CIT: variants seen among roughly 807,000 people sequenced by gnomAD.
CIT encodes the protein citron Rho-interacting kinase.
A neutral mutation model predicts 272.7 loss-of-function variants in CIT; 79 were observed. That is an observed-to-expected ratio of 0.29 (90% CI 0.24 to 0.35). CIT has a LOEUF of 0.35. Ranked by LOEUF, CIT falls within the 10% of genes least tolerant of loss-of-function variation. The pLI is 1.00. For missense variants in CIT, 1,909 were observed against 2,618.3 expected (o/e 0.73, Z 5.91); for synonymous variants, 948 against 995.6 (o/e 0.95, Z 0.90).
chr12:119,705,213 C>G (rs931169333), intron 40 of CIT, among the ~76,000 whole-genome samples: 12 of 152,104 alleles, frequency 7.9e-5, no homozygotes, highest in African/African-American at 2.7e-4. Flanking sequence ...ACACCCGGCC[C>G]ACATTTAGAG....
At chr12:119,777,793 A>G (rs1181225855) in intron 13 of CIT, among the ~76,000 whole-genome samples, 1 of 152,168 alleles carries the variant, frequency 6.6e-6, no homozygotes, top group Non-Finnish European at 1.5e-5. Context: ...GGCCTAACAC[A>G]GGAGAGCCAA....
chr12:119,702,320 T>C (rs983135858), intron 41 of CIT, among the ~76,000 whole-genome samples: 2 of 151,750 alleles, frequency 1.3e-5, no homozygotes, highest in African/African-American at 4.8e-5. Flanking sequence ...TTGTTTTCTC[T>C]TCCTATTGTT....
intron 32 of CIT, 113 bp from the exon 33 acceptor site, chr12:119,714,447 A>G: frequency 2.8e-6 from 3 of 1,089,756 alleles, no homozygotes; most frequent in Non-Finnish European, 3.9e-6. Context: ...ATCTCTGATA[A>G]GGGACTCATA....
chr12:119,700,434 G>C (rs1478614369), intron 44 of CIT, among the ~76,000 whole-genome samples: 1 of 152,182 alleles, frequency 6.6e-6, no homozygotes. Context: ...CCAGGCTGGA[G>C]TGCAGTGGTG....
rs1378601660 is a variant in CIT, at chr12:119,784,555, T to C, written c.1401+405A>G. On this transcript the variant is annotated intron_variant, in intron 11 of 47. Coordinates refer to ENST00000392521, the MANE Select transcript of CIT (RefSeq NM_001206999.2). The surrounding 1 kb of genome is among the most constrained non-coding windows in gnomAD (Gnocchi z 4.7). Reference sequence around the variant, plus strand: ...CAGGAACAGTGAATGTTAAGAGACGTTGAGCGTAATCAACACAGTGGCCGC... The same window carrying C: ...CAGGAACAGTGAATGTTAAGAGACGCTGAGCGTAATCAACACAGTGGCCGC... 2 of 1,175,310 alleles carry C rather than the reference T, an allele frequency of 1.7e-6. No homozygotes were observed. The highest frequency in any genetic ancestry group is 2.1e-6 in the Non-Finnish European group (2 of 940,752). The allele number at this position is 1,175,310 out of a possible 1,614,324, so 72.8% of individuals were successfully genotyped here.
intron 23 of CIT, among the ~76,000 whole-genome samples, chr12:119,745,921 T>C (rs1276565123): frequency 6.6e-6 from 1 of 152,256 alleles, no homozygotes; most frequent in East Asian, 1.9e-4. Context: ...GCCTATATTC[T>C]ATGGACTAAT....
rs377250189 is a variant in CIT, at chr12:119,857,438, T to G, written c.414+85A>C. ...TCACAGAGGAAAACGTGCTTGATCC[T>G]AGACGCCAGTGCAGCAGATTATCGT... On this transcript the variant is annotated intron_variant, in intron 4 of 47. Coordinates refer to ENST00000392521, the MANE Select transcript of CIT (RefSeq NM_001206999.2). 42 of 1,390,850 alleles carry G rather than the reference T, an allele frequency of 3.0e-5. No homozygotes were observed. The African/African-American group carries it at 4.9e-4, about 16-fold the overall frequency. The allele number at this position is 1,390,850 out of a possible 1,614,324, so 86.2% of individuals were successfully genotyped here. A position where few individuals can be genotyped will look rare whatever the true frequency, so the allele number is the denominator to read the frequency against.
intron 12 of CIT, chr12:119,783,389 A>T (rs992832991): frequency 3.3e-5 from 5 of 152,446 alleles, no homozygotes; most frequent in African/African-American, 1.2e-4. Flanking sequence ...GGAGAAGAAG[A>T]CAGTCTACTC....
At chr12:119,854,345 A>G (rs1970432828) in intron 4 of CIT, among the ~76,000 whole-genome samples, 1 of 150,608 alleles carries the variant, frequency 6.6e-6, no homozygotes, top group Non-Finnish European at 1.5e-5. Context: ...TTTTTTTTAA[A>G]GTTAGCTGGG....
chr12:119,821,812 A>T (rs887942402), intron 9 of CIT, among the ~76,000 whole-genome samples: 3 of 152,224 alleles, frequency 2.0e-5, no homozygotes, highest in Admixed American at 1.3e-4. Context: ...TTATTTAGAA[A>T]AATAAAGCAA....
chr12:119,802,000 C>G (rs1966243614), intron 10 of CIT, among the ~76,000 whole-genome samples: 1 of 152,170 alleles, frequency 6.6e-6, no homozygotes, highest in Non-Finnish European at 1.5e-5. Context: ...GCCCAATTCC[C>G]CACAACACTC....
intron 7 of CIT, 116 bp downstream of exon 7, chr12:119,832,655 C>T (rs1231621885): frequency 3.6e-6 from 3 of 822,730 alleles, no homozygotes; most frequent in African/African-American, 1.7e-5. Flanking sequence ...CCCCCATACA[C>T]TGCCAAAGGC....
chr12:119,733,273 T>G (rs1419391197), intron 26 of CIT, among the ~76,000 whole-genome samples: 3 of 151,094 alleles, frequency 2.0e-5, no homozygotes. Context: ...CTCACGCTTG[T>G]AATCCCAGCA....
At chr12:119,751,866 C>T (rs917791745) in intron 23 of CIT, among the ~76,000 whole-genome samples, 184 bp downstream of exon 23, 2 of 152,182 alleles carry the variant, frequency 1.3e-5, no homozygotes, top group Non-Finnish European at 2.9e-5. Flanking sequence ...ACCAACCAAG[C>T]TCATCTACTA....
At chr12:119,796,446 G>A (rs957126595) in intron 10 of CIT, among the ~76,000 whole-genome samples, 2 of 152,180 alleles carry the variant, frequency 1.3e-5, no homozygotes, top group African/African-American at 2.4e-5. Flanking sequence ...GGGATGGCGG[G>A]GGAGGCAGAA....
chr12:119,865,271 T>G (rs1294477213), intron 3 of CIT, among the ~76,000 whole-genome samples: 2 of 152,182 alleles, frequency 1.3e-5, no homozygotes, highest in African/African-American at 4.8e-5. Flanking sequence ...GAGGACAGTC[T>G]CAAGACTAAT....
At chr12:119,844,431 T>C (rs1458569805) in intron 5 of CIT, among the ~76,000 whole-genome samples, 2 of 152,040 alleles carry the variant, frequency 1.3e-5, no homozygotes, top group South Asian at 2.1e-4. Flanking sequence ...CTAAAGGGAA[T>C]GAATAAAGAC....
At chr12:119,720,130 C>G (rs532174706) in intron 30 of CIT, among the ~76,000 whole-genome samples, 1 of 152,212 alleles carries the variant, frequency 6.6e-6, no homozygotes, top group Non-Finnish European at 1.5e-5. Flanking sequence ...TGCTAACTCC[C>G]TCTAGAGTCA....
Position 119,825,252 on chromosome 12 carries a change from G to A in CIT, c.870C>T (p.Gly290=), listed in dbSNP as rs760103168. ...CATAAATCATCTCATAGGCAATCAC[G>A]CCCACTGACCACCAGTCACAGTCCA... is the stretch of plus-strand genomic sequence containing the variant. ...YGLDCDWWSV[G]VIAYEMIYGR... The change falls in exon 8 of 48, where the codon GGC becomes GGT. Residue 290 remains glycine, a synonymous_variant. Coordinates refer to ENST00000392521, the MANE Select transcript of CIT (RefSeq NM_001206999.2). 12 of 1,613,878 alleles carry A rather than the reference G, an allele frequency of 7.4e-6. No homozygotes were observed. The highest frequency in any genetic ancestry group is 2.2e-5 in the East Asian group (1 of 44,886).
Sources: gnomAD v4.1 joint callset for allele counts (sites outside exome capture counted in the v4.1 genomes callset) on GRCh38, gnomAD v4.1.1 for gene constraint, Gnocchi (gnomAD v3.1) non-coding constraint, MANE v1.5 for transcripts, NCBI Gene and HGNC (gene_info 2026-07-23, HGNC 2026-07-21) for gene names.